The following BICC1 variants were observed in gnomAD, a reference collection of about 807,000 sequenced individuals.
BICC1 encodes protein bicaudal C homolog 1.
A neutral mutation model predicts 111.0 loss-of-function variants in BICC1; 43 were observed. The observed-to-expected ratio is 0.39, with a 90% CI of 0.30 to 0.50. The LOEUF (loss-of-function observed/expected upper bound fraction) is 0.50. Among genes scored for constraint, BICC1 ranks in the 20% least tolerant of loss-of-function variants. The probability of loss-of-function intolerance (pLI) is 0.88; values close to 1 mark genes in which losing one functional copy is unlikely to be tolerated. For synonymous variants in BICC1, 467 were observed against 434.4 expected (o/e 1.07, Z -0.93); for missense variants, 1,091 against 1,203.2 (o/e 0.91, Z 1.38).
Position 58,799,092 on chromosome 10 carries a change from C to G in BICC1, c.1565C>G (p.Thr522Ser). The part of the protein sequence containing the change: ...SAIPHLMIPS[T>S]AQATLTNILL... The stretch of plus-strand genomic sequence containing the variant: ...ATACCACACCTTATGATTCCATCTA[C>G]TGCCCAAGCCACATTAACTAATATT... Residue 522 changes from threonine to serine, a missense_variant, in exon 12 of 21, where the codon ACT becomes AGT. By Grantham distance (58) the Thr-to-Ser change is moderately conservative. Around this residue, in one of 3 missense-constraint regions of BICC1, gnomAD observed 843 missense variants for 900.8 expected, o/e 0.94. Transcript: ENST00000373886. 6.2e-7 allele frequency: 1 copy of G among 1,612,054 alleles called. No individual in the cohort carries two copies. Among genetic ancestry groups the G allele is most frequent in the South Asian group, 1.1e-5 (1 of 90,678 alleles).
At chr10:58,672,921 G>C (rs1176883211) in intron 2 of BICC1, among the ~76,000 whole-genome samples, 1 of 152,140 alleles carries the variant, frequency 6.6e-6, no homozygotes, top group Non-Finnish European at 1.5e-5. Context: ...ATGTTGAGAA[G>C]CTAAAGATTC....
intron 2 of BICC1, among the ~76,000 whole-genome samples, chr10:58,676,811 T>A (rs1209334631): frequency 6.6e-6 from 1 of 152,154 alleles, no homozygotes; most frequent in Non-Finnish European, 1.5e-5. Context: ...CTGGCTGGCA[T>A]CTGGCGGGTG....
At chr10:58,781,647 T>G (rs1589132652) in intron 3 of BICC1, among the ~76,000 whole-genome samples, 1 of 152,218 alleles carries the variant, frequency 6.6e-6, no homozygotes, top group East Asian at 1.9e-4. Flanking sequence ...GTTAATACTT[T>G]GACTTTTCTC....
intron 1 of BICC1, among the ~76,000 whole-genome samples, chr10:58,588,443 A>G (rs1439779538): frequency 6.6e-6 from 1 of 152,208 alleles, no homozygotes; most frequent in Non-Finnish European, 1.5e-5. Flanking sequence ...GGAGAGTGGC[A>G]GTGATGTGAA....
intron 2 of BICC1, among the ~76,000 whole-genome samples, chr10:58,678,226 G>A (rs1839404967): frequency 6.6e-6 from 1 of 152,270 alleles, no homozygotes; most frequent in South Asian, 2.1e-4. Context: ...TGGGCTAAAT[G>A]CCCCAATTAA....
intron 1 of BICC1, among the ~76,000 whole-genome samples, chr10:58,553,889 A>C (rs996315708): frequency 6.6e-6 from 1 of 152,048 alleles, no homozygotes; most frequent in African/African-American, 2.4e-5. Flanking sequence ...TGGATGGGAA[A>C]GAGTTCACTC....
At chr10:58,615,101 G>A (rs1420049092) in intron 1 of BICC1, among the ~76,000 whole-genome samples, 3 of 151,860 alleles carry the variant, frequency 2.0e-5, no homozygotes, top group South Asian at 4.2e-4. Context: ...TTTTCATTAG[G>A]TTTGAGCACT....
At chr10:58,556,008 A>G (rs943838534) in intron 1 of BICC1, among the ~76,000 whole-genome samples, 1 of 152,112 alleles carries the variant, frequency 6.6e-6, no homozygotes, top group Non-Finnish European at 1.5e-5. Flanking sequence ...ATGGTTATTT[A>G]GATAATCCAT....
At chr10:58,551,581 T>C (rs1177886930) in intron 1 of BICC1, among the ~76,000 whole-genome samples, 1 of 152,200 alleles carries the variant, frequency 6.6e-6, no homozygotes, top group African/African-American at 2.4e-5. Flanking sequence ...TGTACAGATC[T>C]CTTGAACTTA....
intron 2 of BICC1, among the ~76,000 whole-genome samples, chr10:58,631,782 A>C (rs1006833653): frequency 1.3e-5 from 2 of 152,192 alleles, no homozygotes; most frequent in Non-Finnish European, 2.9e-5. Flanking sequence ...AACCAGCTTC[A>C]ATTTCCACGT....
At chr10:58,818,800 C>G (rs1236653291) in intron 19 of BICC1, among the ~76,000 whole-genome samples, 1 of 151,808 alleles carries the variant, frequency 6.6e-6, no homozygotes, top group Non-Finnish European at 1.5e-5. Flanking sequence ...CTTATTTTGT[C>G]TTGCTGGTTA....
At chr10:58,765,405 TATG>T (rs1842430032) in intron 3 of BICC1, among the ~76,000 whole-genome samples, 1 of 152,204 alleles carries the variant, frequency 6.6e-6, no homozygotes, top group African/African-American at 2.4e-5. Context: ...CCACAGGACC[TATG>T]TTGTTTGAAT....
chr10:58,518,843 G>T (rs1049253045), intron 1 of BICC1, among the ~76,000 whole-genome samples: 4 of 152,056 alleles, frequency 2.6e-5, no homozygotes, highest in African/African-American at 9.7e-5. Flanking sequence ...CACTGAGAGG[G>T]GCAGTAAAAC....
intron 2 of BICC1, among the ~76,000 whole-genome samples, chr10:58,626,027 A>C: frequency 6.6e-6 from 1 of 152,260 alleles, no homozygotes. Context: ...ATCAAATTTA[A>C]TTTAAATAAG....
intron 17 of BICC1, among the ~76,000 whole-genome samples, chr10:58,813,052 G>A (rs1247593227): frequency 6.6e-6 from 1 of 152,104 alleles, no homozygotes; most frequent in Non-Finnish European, 1.5e-5. Flanking sequence ...ATAGTGAGCT[G>A]TCTTTATGCC....
In BICC1 at chr10:58,796,506, G is replaced by GC; in HGVS notation, c.1348dup (p.Leu450ProfsTer30). 1 of 1,613,738 alleles carries GC rather than the reference G, an allele frequency of 6.2e-7. No individual in the cohort carries two copies. The highest frequency in any genetic ancestry group is 8.5e-7 in the Non-Finnish European group (1 of 1,179,870). On this transcript the variant is annotated frameshift_variant, in exon 10 of 21. Transcript: ENST00000373886. LOFTEE classifies it high-confidence loss of function. ...AGCCTGGATATCTTAGCTTCAGCAG[G>GC]CCTTGGACTCACTGGACTAGGTATA...
chr10:58,799,066 T>C lies in BICC1; in HGVS notation c.1539T>C (p.Ala513=), dbSNP rs1311034920. The C allele has an allele frequency of 1.3e-6, 2 of 1,595,178 alleles. No individual in the cohort carries two copies. Among genetic ancestry groups the C allele is most frequent in the Non-Finnish European group, 1.7e-6 (2 of 1,167,560 alleles). ...ANTSSATGFS[A]IPHLMIPSTA... Reference sequence around the variant, plus strand: ...AAAATGTTGTTGTAGGTTTTTCTGCTATACCACACCTTATGATTCCATCTA... The same window carrying C: ...AAAATGTTGTTGTAGGTTTTTCTGCCATACCACACCTTATGATTCCATCTA... The change falls in exon 12 of 21, where the codon GCT becomes GCC. Residue 513 remains alanine (A), a synonymous_variant. Transcript: ENST00000373886.
At chr10:58,715,811 C>T in intron 3 of BICC1, 1 of 1,319,808 alleles carries the variant, frequency 7.6e-7, no homozygotes, top group Admixed American at 1.9e-5. Flanking sequence ...CAAGTGAGAG[C>T]TCATCCAAAA....
intron 3 of BICC1, among the ~76,000 whole-genome samples, chr10:58,743,038 T>G (rs1484145003): frequency 1.3e-5 from 2 of 152,154 alleles, no homozygotes; most frequent in Non-Finnish European, 2.9e-5. Context: ...CATAAGTCAT[T>G]TTTGCCAGGT....
Sources: gnomAD v4.1 joint callset for allele counts (sites outside exome capture counted in the v4.1 genomes callset) on GRCh38, gnomAD v4.1.1 for gene constraint, gnomAD v4.1.1 regional missense constraint, MANE v1.5 for transcripts, NCBI Gene and HGNC (gene_info 2026-07-23, HGNC 2026-07-21) for gene names.